Variants in CNGB3 observed in about 807,000 individuals in gnomAD.
The protein encoded by CNGB3 is cyclic nucleotide gated channel subunit beta 3.
In CNGB3, 86 loss-of-function variants were observed where a neutral mutation model predicts 92.8. The ratio of observed to expected loss-of-function variants is 0.93; its 90% CI spans 0.78 to 1.11. CNGB3 has a LOEUF of 1.11. CNGB3 is among the 50% of genes least tolerant of loss of function. CNGB3 has a pLI of 0.00. For missense variants in CNGB3, 1,026 were observed against 956.8 expected, an observed-to-expected ratio of 1.07 and a Z score of -0.95; for synonymous variants, 333 against 332.7, an observed-to-expected ratio of 1.00 and a Z score of -0.01.
chr8:86,578,489 C>T (rs979313136), intron 17 of CNGB3, among the ~76,000 whole-genome samples, 200 bp downstream of exon 17: 2 of 151,964 alleles, frequency 1.3e-5, no homozygotes, highest in African/African-American at 4.8e-5. Context: ...CTATAAACAT[C>T]CTGTGAGGGT....
At chr8:86,613,406 G>T (rs1822556972) in intron 13 of CNGB3, among the ~76,000 whole-genome samples, 1 of 152,078 alleles carries the variant, frequency 6.6e-6, no homozygotes, top group Non-Finnish European at 1.5e-5. Flanking sequence ...TCAGAAATTG[G>T]TATTCTGATT....
intron 12 of CNGB3, among the ~76,000 whole-genome samples, chr8:86,627,340 C>A (rs919875761): frequency 6.6e-6 from 1 of 152,106 alleles, no homozygotes; most frequent in East Asian, 1.9e-4. Context: ...TCTGCCTGCC[C>A]ACTTCAGATG....
intron 10 of CNGB3, among the ~76,000 whole-genome samples, chr8:86,642,487 C>CT (rs1398030199): frequency 1.3e-5 from 2 of 151,546 alleles, no homozygotes; most frequent in Admixed American, 6.6e-5. Flanking sequence ...GTTATAATCC[C>CT]TTATACATAT....
rs919581624 is a variant in CNGB3, at chr8:86,574,953, CAA to C, written c.*849_*850del. 3 of 152,118 alleles carry C rather than the reference CAA, an allele frequency of 2.0e-5. No individual in the cohort carries two copies. Among genetic ancestry groups the C allele is most frequent in the Non-Finnish European group, 2.9e-5 (2 of 68,012 alleles). The allele number at this position is 152,118 out of a possible 1,614,324, so 9.4% of individuals were successfully genotyped here. On this transcript the variant is annotated 3_prime_UTR_variant, in exon 18 of 18. Coordinates refer to ENST00000320005, the MANE Select transcript of CNGB3 (RefSeq NM_019098.5). ...TGTTTTACTAAAGCTTAATTTTAAA[CAA>C]GAAGTTCCAATCTGATATCTTTTCC...
intron 3 of CNGB3, among the ~76,000 whole-genome samples, chr8:86,724,961 G>T (rs1454744673): frequency 6.6e-6 from 1 of 152,088 alleles, no homozygotes; most frequent in Non-Finnish European, 1.5e-5. Flanking sequence ...GGCCTGAGAG[G>T]TCATGTCAAG....
intron 14 of CNGB3, among the ~76,000 whole-genome samples, chr8:86,606,770 G>T (rs536059260): frequency 1.3e-5 from 2 of 152,156 alleles, no homozygotes; most frequent in African/African-American, 4.8e-5. Context: ...GGCAGTCGAG[G>T]TTTAAAAAAT....
At chr8:86,743,305 A>G (rs910082613) in intron 1 of CNGB3, among the ~76,000 whole-genome samples, 194 bp downstream of exon 1, 3 of 152,224 alleles carry the variant, frequency 2.0e-5, no homozygotes, top group African/African-American at 7.2e-5. Flanking sequence ...AGTCTCCTAA[A>G]CATTTATTAT....
At chr8:86,628,780 A>G (rs1054880800) in intron 12 of CNGB3, 139 bp downstream of exon 12, 2 of 875,530 alleles carry the variant, frequency 2.3e-6, no homozygotes, top group Non-Finnish European at 3.6e-6. Context: ...AAAAACCTGT[A>G]GCATTAAACG....
intron 3 of CNGB3, among the ~76,000 whole-genome samples, chr8:86,686,172 C>T (rs1034247149): frequency 2.6e-5 from 4 of 152,060 alleles, no homozygotes; most frequent in African/African-American, 4.8e-5. Flanking sequence ...AAATTACTTA[C>T]CATGTCTTGT....
intron 6 of CNGB3, among the ~76,000 whole-genome samples, chr8:86,664,308 A>T (rs184405927): frequency 1.5e-4 from 23 of 152,362 alleles, no homozygotes; most frequent in Admixed American, 3.9e-4. Context: ...ATAATTTAAG[A>T]CCTTCTGAAG....
At chr8:86,718,970 T>A (rs140560954) in intron 3 of CNGB3, among the ~76,000 whole-genome samples, 2 of 151,998 alleles carry the variant, frequency 1.3e-5, no homozygotes, top group African/African-American at 2.4e-5. Context: ...AAATCCACAA[T>A]TGCTTTATGA....
At chr8:86,720,692 G>T (rs191149992) in intron 3 of CNGB3, among the ~76,000 whole-genome samples, 1 of 152,090 alleles carries the variant, frequency 6.6e-6, no homozygotes, top group East Asian at 1.9e-4. Flanking sequence ...AAAGGTACTT[G>T]CGCATGCATG....
intron 2 of CNGB3, among the ~76,000 whole-genome samples, chr8:86,728,250 G>T (rs1201040107): frequency 6.6e-6 from 1 of 152,118 alleles, no homozygotes; most frequent in Non-Finnish European, 1.5e-5. Flanking sequence ...TGCGTATAAA[G>T]ATTATGTTTA....
In CNGB3 at chr8:86,577,459, A is replaced by G. The variant is rs530862891; in HGVS notation, c.2103+1230T>C. On this transcript the variant is annotated intron_variant, in intron 17 of 17. Coordinates refer to ENST00000320005, the MANE Select transcript of CNGB3 (RefSeq NM_019098.5). ...GTATATATACAGTTGATTTTTATTC[A>G]TGTAGTTTTGTTCTATAAATTTTCC... 2.6e-5 allele frequency among the ~76,000 whole-genome samples: 4 copies of G among 152,288 alleles called. No individual in the cohort carries two copies. In the East Asian group the frequency reaches 7.7e-4, roughly 29 times the overall value.
intron 7 of CNGB3, among the ~76,000 whole-genome samples, chr8:86,650,213 T>C (rs988160362): frequency 1.3e-5 from 2 of 151,464 alleles, no homozygotes; most frequent in African/African-American, 4.8e-5. Flanking sequence ...CTAAAACCTA[T>C]AGTTTTCAGC....
chr8:86,592,265 G>A (rs924011897), intron 15 of CNGB3, among the ~76,000 whole-genome samples: 199 of 152,270 alleles, frequency 1.3e-3, no homozygotes, highest in African/African-American at 4.2e-3. Flanking sequence ...AGATGAACCC[G>A]GTACCTCAGA....
chr8:86,677,990 G>A (rs939030759), intron 3 of CNGB3, among the ~76,000 whole-genome samples: 2 of 151,682 alleles, frequency 1.3e-5, no homozygotes, highest in Admixed American at 6.6e-5. Context: ...ATTTTTCAGC[G>A]ACTTATTTCT....
At chr8:86,629,745 T>G (rs1485277670) in intron 11 of CNGB3, among the ~76,000 whole-genome samples, 4 of 152,172 alleles carry the variant, frequency 2.6e-5, no homozygotes, top group Non-Finnish European at 5.9e-5. Flanking sequence ...GCTGTGACAA[T>G]TCTTAAGAAA....
chr8:86,702,382 A>T (rs1435067462), intron 3 of CNGB3, among the ~76,000 whole-genome samples: 1 of 152,214 alleles, frequency 6.6e-6, no homozygotes, highest in African/African-American at 2.4e-5. Context: ...ATTATAGGTA[A>T]TGAACAAACA....
Sources: allele counts gnomAD v4.1 joint callset (sites outside exome capture counted in the v4.1 genomes callset), GRCh38; gene constraint gnomAD v4.1.1; transcripts MANE v1.5; gene names NCBI Gene and HGNC (gene_info 2026-07-23, HGNC 2026-07-21).